Variants in ZCCHC2 observed in about 807,000 individuals in gnomAD.
ZCCHC2 encodes zinc finger CCHC-type containing 2, also known as zinc finger CCHC domain-containing protein 2.
Under a neutral mutation model 103.6 loss-of-function variants are expected in ZCCHC2, and 39 were observed. That is an observed-to-expected ratio of 0.38 (90% CI 0.29 to 0.49). ZCCHC2 has a LOEUF of 0.49. ZCCHC2 is among the 20% of genes least tolerant of loss of function. ZCCHC2 has a pLI of 0.96. For missense variants in ZCCHC2, 1,483 were observed against 1,491.0 expected (o/e 0.99, Z 0.09); for synonymous variants, 687 against 608.9 (o/e 1.13, Z -1.89).
chr18:62,562,724 G>A (rs1041267562), intron 8 of ZCCHC2, among the ~76,000 whole-genome samples: 1 of 152,200 alleles, frequency 6.6e-6, no homozygotes, highest in Non-Finnish European at 1.5e-5. Context: ...GGTTGTATAA[G>A]CCTCTCTGTC....
chr18:62,523,733 G>C lies in ZCCHC2; in HGVS notation c.309G>C (p.Gly103=). 2.0e-6 allele frequency: 3 copies of C among 1,525,442 alleles called. No homozygotes were observed. Among genetic ancestry groups the C allele is most frequent in the Non-Finnish European group, 2.6e-6 (3 of 1,143,368 alleles). The allele number at this position is 1,525,442 out of a possible 1,614,324, so 94.5% of individuals were successfully genotyped here. A position where few individuals can be genotyped will look rare whatever the true frequency, so the allele number is the denominator to read the frequency against. The change falls in exon 1 of 14, where the codon GGG becomes GGC. Residue 103 remains glycine, a synonymous_variant. Transcript: ENST00000269499. ...AGGAGCGGGTATACGAGTGGTTCGG[G>C]CTGGTGCTGGGCTCGGCGCAGCGCC... ...REQERVYEWF[G]LVLGSAQRLE... is the part of the protein sequence containing the mutation.
chr18:62,529,863 C>A (rs994306684), intron 1 of ZCCHC2, among the ~76,000 whole-genome samples: 8 of 152,032 alleles, frequency 5.3e-5, no homozygotes, highest in African/African-American at 1.7e-4. Context: ...AACTATGGAT[C>A]AAAAATATTA....
chr18:62,585,294 C>G (rs1917142274), exon 15 of ZCCHC2: 1 of 152,254 alleles, frequency 6.6e-6, no homozygotes. Flanking sequence ...ATTAAATCTA[C>G]TGAAGCAGTG....
intron 1 of ZCCHC2, among the ~76,000 whole-genome samples, chr18:62,532,163 T>C (rs558908674): frequency 1.3e-5 from 2 of 152,362 alleles, no homozygotes; most frequent in East Asian, 3.9e-4. Context: ...TATATCTCAT[T>C]GAATGTCAAC....
At chr18:62,571,399 G>A (rs912198039) in intron 12 of ZCCHC2, among the ~76,000 whole-genome samples, 6 of 152,360 alleles carry the variant, frequency 3.9e-5, no homozygotes, top group African/African-American at 1.2e-4. Flanking sequence ...AGTAGGACAA[G>A]GGGAAAATGC....
intron 11 of ZCCHC2, among the ~76,000 whole-genome samples, chr18:62,567,134 T>C (rs1035598399): frequency 1.3e-5 from 2 of 152,254 alleles, no homozygotes; most frequent in Non-Finnish European, 2.9e-5. Context: ...CTTATTGATA[T>C]CAAGTGCAGC....
At chr18:62,554,117 C>T (rs1332219946) in intron 5 of ZCCHC2, among the ~76,000 whole-genome samples, 6 of 152,136 alleles carry the variant, frequency 3.9e-5, no homozygotes, top group Admixed American at 2.6e-4. Context: ...GGGAGTATGG[C>T]GGGAATTCGT....
intron 4 of ZCCHC2, among the ~76,000 whole-genome samples, chr18:62,548,872 C>G (rs1915533094): frequency 6.6e-6 from 1 of 151,792 alleles, no homozygotes; most frequent in African/African-American, 2.4e-5. Context: ...TTGCAGTGAG[C>G]CGAGATCATG....
chr18:62,557,972 C>G (rs544299965), intron 6 of ZCCHC2, among the ~76,000 whole-genome samples: 1 of 151,372 alleles, frequency 6.6e-6, no homozygotes, highest in South Asian at 2.1e-4. Flanking sequence ...TGAGTTGTTT[C>G]ACTAGTGAAT....
In ZCCHC2 at chr18:62,524,222, C is replaced by T. The variant is rs1381582787; in HGVS notation, c.798C>T (p.Ala266=). 11 of 1,550,018 alleles carry T rather than the reference C, an allele frequency of 7.1e-6. No homozygotes were observed. The highest frequency in any genetic ancestry group is 1.4e-5 in the African/African-American group (1 of 72,958). Residue 266 remains alanine (A), a synonymous_variant, in exon 1 of 14, where the codon GCC becomes GCT. Transcript: ENST00000269499. ...AACTGCTGCTGCTCTTCACCATGGC[C>T]TCGCTGCACCCGGCTTTCTCCTTCC... The part of the protein sequence containing the change: ...QEELLLLFTM[A]SLHPAFSFHQ...
intron 11 of ZCCHC2, among the ~76,000 whole-genome samples, chr18:62,569,645 G>A (rs536781372): frequency 2.6e-4 from 40 of 151,964 alleles, no homozygotes; most frequent in Non-Finnish European, 4.9e-4. Context: ...GCTTGAACTT[G>A]GCAGAACTCA....
chr18:62,558,386 A>G (rs1915980371), intron 6 of ZCCHC2, among the ~76,000 whole-genome samples: 1 of 152,224 alleles, frequency 6.6e-6, no homozygotes, highest in Admixed American at 6.5e-5. Flanking sequence ...CACACCACAG[A>G]TGTTTAAGAA....
At position 62,576,625 on chromosome 18, in the gene ZCCHC2, A is replaced by G. The variant is rs763886075; in HGVS notation, c.*46A>G. On this transcript the variant is annotated 3_prime_UTR_variant, in exon 14 of 14. Transcript: ENST00000269499. ...TTAATACACTCAAGTGTGGGGAGTC[A>G]TGGGGTGTGGAGGGGAGGAAAGGAA... 2.0e-5 allele frequency: 32 copies of G among 1,575,078 alleles called. No individual in the cohort carries two copies. The East Asian group carries it at 6.0e-4, about 30-fold the overall frequency.
chr18:62,569,647 C>T (rs553189205), intron 11 of ZCCHC2, among the ~76,000 whole-genome samples: 2 of 152,058 alleles, frequency 1.3e-5, no homozygotes, highest in African/African-American at 4.8e-5. Context: ...TTGAACTTGG[C>T]AGAACTCAGG....
chr18:62,583,159 G>A (rs1365102396), downstream of ZCCHC2, among the ~76,000 whole-genome samples: 1 of 152,120 alleles, frequency 6.6e-6, no homozygotes, highest in Non-Finnish European at 1.5e-5. Context: ...AGGAGTGATG[G>A]CAGTGATTCT....
chr18:62,565,880 A>AT (rs1436728434), intron 11 of ZCCHC2, among the ~76,000 whole-genome samples: 3 of 152,140 alleles, frequency 2.0e-5, no homozygotes, highest in Admixed American at 1.3e-4. Context: ...TTTTGAGTAT[A>AT]TTTTTCAACT....
intron 12 of ZCCHC2, 40 bp downstream of exon 12, chr18:62,570,271 G>A: frequency 6.2e-7 from 1 of 1,601,630 alleles, no homozygotes. Context: ...GCATGGCAGG[G>A]GTGGGGAAGT....
Position 62,564,552 on chromosome 18 carries a change from T to C in ZCCHC2, c.1687-19T>C, listed in dbSNP as rs1916262666. Reference sequence around the variant, plus strand: ...TGGTTTAGCTTTTGTCTGATTTGTCTTTTTATTCTTTCTACTAGCATTCTG... The same window carrying C: ...TGGTTTAGCTTTTGTCTGATTTGTCCTTTTATTCTTTCTACTAGCATTCTG... On this transcript the variant is annotated intron_variant, in intron 9 of 13. Transcript: ENST00000269499. 1 of 1,502,660 alleles carries C rather than the reference T, an allele frequency of 6.7e-7. No homozygotes were observed. Among genetic ancestry groups the C allele is most frequent in the Non-Finnish European group, 8.9e-7 (1 of 1,118,070 alleles). The allele number at this position is 1,502,660 out of a possible 1,614,324, so 93.1% of individuals were successfully genotyped here. A position where few individuals can be genotyped will look rare whatever the true frequency, so the allele number is the denominator to read the frequency against.
chr18:62,552,697 G>C (rs1915716350), intron 5 of ZCCHC2, among the ~76,000 whole-genome samples: 1 of 151,994 alleles, frequency 6.6e-6, no homozygotes, highest in Non-Finnish European at 1.5e-5. Flanking sequence ...CCAACAGCCT[G>C]GGCAACATAG....
Sources: allele counts gnomAD v4.1 joint callset (sites outside exome capture counted in the v4.1 genomes callset), GRCh38; gene constraint gnomAD v4.1.1; transcripts MANE v1.5; gene names NCBI Gene and HGNC (gene_info 2026-07-23, HGNC 2026-07-21).